RTF2: variants seen among roughly 807,000 people sequenced by gnomAD.
RTF2 encodes the protein replication termination factor 2.
In RTF2, 18 loss-of-function variants were observed where a neutral mutation model predicts 38.0. That is an observed-to-expected ratio of 0.47 (90% confidence interval 0.33 to 0.70). The LOEUF (loss-of-function observed/expected upper bound fraction) is 0.70, where lower values mean the gene tolerates loss of function less well. Ranked by LOEUF, RTF2 falls within the 30% of genes least tolerant of loss-of-function variation. The probability of loss-of-function intolerance (pLI) is 0.02; values close to 1 mark genes in which losing one functional copy is unlikely to be tolerated. For synonymous variants in RTF2, 126 were observed against 137.1 expected, an observed-to-expected ratio of 0.92 and a Z score of 0.57; for missense variants, 311 against 379.6, an observed-to-expected ratio of 0.82 and a Z score of 1.50.
intron 5 of RTF2, among the ~76,000 whole-genome samples, chr20:56,486,526 G>A (rs146593136): frequency 2.2e-4 from 33 of 152,240 alleles, no homozygotes; most frequent in South Asian, 1.0e-3. Flanking sequence ...GCACGCGCCT[G>A]TAATCCTGGC....
At chr20:56,512,858 C>A (rs571965189) in intron 5 of RTF2, among the ~76,000 whole-genome samples, 26 of 152,154 alleles carry the variant, frequency 1.7e-4, no homozygotes, top group African/African-American at 6.3e-4. Context: ...AACTGCAACA[C>A]GTGTGATGTT....
At chr20:56,518,014 T>C (rs1252991026) in intron 8 of RTF2, 73 bp from the exon 9 acceptor site, 3 of 1,438,118 alleles carry the variant, frequency 2.1e-6, no homozygotes, top group Non-Finnish European at 1.9e-6. Context: ...CTGATGGGCT[T>C]CCCTTCTGAG....
At chr20:56,511,845 T>A (rs915981695) in intron 5 of RTF2, among the ~76,000 whole-genome samples, 12 of 152,272 alleles carry the variant, frequency 7.9e-5, no homozygotes, top group South Asian at 2.1e-4. Flanking sequence ...CCCCTCTTTT[T>A]TTTTTGAGAC....
rs1600842994 is a variant in RTF2, at chr20:56,519,445, T to C, written c.*1180T>C. 6.6e-6 allele frequency: 1 copy of C among 152,260 alleles called. No individual in the cohort carries two copies. The highest frequency in any genetic ancestry group is 1.9e-4 in the East Asian group (1 of 5,188). The allele number at this position is 152,260 out of a possible 1,614,324, so 9.4% of individuals were successfully genotyped here. ...ATAGAGCATTTTAATAAAAATTAAG[T>C]GATGCGTTTTTGTCATGGACTTTTC... On this transcript the variant is annotated 3_prime_UTR_variant, in exon 9 of 9. Transcript: ENST00000357348.
chr20:56,473,874 A>G (rs1248135705), intron 2 of RTF2, among the ~76,000 whole-genome samples: 1 of 152,164 alleles, frequency 6.6e-6, no homozygotes, highest in Non-Finnish European at 1.5e-5. Context: ...TGCAAAAAAA[A>G]TAGCAAACTC....
intron 2 of RTF2, among the ~76,000 whole-genome samples, chr20:56,474,408 G>A (rs1490966190): frequency 6.6e-6 from 1 of 152,186 alleles, no homozygotes; most frequent in East Asian, 1.9e-4. Flanking sequence ...TTGAATCCGG[G>A]AGGCGGAGGT....
intron 5 of RTF2, chr20:56,497,309 T>C: frequency 6.5e-7 from 1 of 1,549,552 alleles, no homozygotes; most frequent in Non-Finnish European, 8.7e-7. Flanking sequence ...CAGACAGGGG[T>C]CTGGTTATGA....
intron 5 of RTF2, among the ~76,000 whole-genome samples, chr20:56,500,623 G>C (rs1983866209): frequency 6.6e-6 from 1 of 152,108 alleles, no homozygotes; most frequent in South Asian, 2.1e-4. Context: ...AACCTGCTGT[G>C]GCCTTCTACC....
At position 56,513,294 on chromosome 20, in the gene RTF2, T is replaced by C. The variant is rs376893821; in HGVS notation, c.478-21T>C. 5.7e-6 allele frequency: 9 copies of C among 1,574,634 alleles called. No homozygotes were observed. The African/African-American group carries it at 1.1e-4, about 19-fold the overall frequency. ...CATTGACTGGTGATGGAATCTGCCC[T>C]CTCTTGTTTGCCCTCTCCAGTGTGG... On this transcript the variant is annotated intron_variant, in intron 5 of 8. Transcript: ENST00000357348.
chr20:56,482,933 G>A (rs1982599585), intron 4 of RTF2, among the ~76,000 whole-genome samples: 1 of 152,104 alleles, frequency 6.6e-6, no homozygotes, highest in Non-Finnish European at 1.5e-5. Context: ...CGTAGAAATC[G>A]ACACGTATTC....
chr20:56,517,864 G>A (rs184268960), intron 8 of RTF2, among the ~76,000 whole-genome samples: 3 of 152,228 alleles, frequency 2.0e-5, no homozygotes, highest in Admixed American at 2.0e-4. Flanking sequence ...TCATTCACGG[G>A]GCTGGGACCA....
In RTF2 at chr20:56,508,991, G is replaced by A. The variant is rs980971222; in HGVS notation, c.478-4324G>A. Among the ~76,000 whole-genome samples the A allele has an allele frequency of 3.9e-5, 6 of 152,134 alleles. No individual in the cohort carries two copies. In the East Asian group the frequency reaches 9.6e-4, roughly 24 times the overall value. On this transcript the variant is annotated intron_variant, in intron 5 of 8. Transcript: ENST00000357348. The stretch of plus-strand genomic sequence containing the variant: ...TACTAAATATGACACCAAAAACGTA[G>A]CAGTAAGAGAGAAAATTGCTAAGTC...
chr20:56,508,685 A>G (rs1370309814), intron 5 of RTF2, among the ~76,000 whole-genome samples: 6 of 152,244 alleles, frequency 3.9e-5, no homozygotes, highest in Non-Finnish European at 5.9e-5. Flanking sequence ...ATATACATCA[A>G]TGGAATAAAA....
intron 5 of RTF2, among the ~76,000 whole-genome samples, chr20:56,503,007 G>A (rs62210666): frequency 1.3e-5 from 2 of 152,222 alleles, no homozygotes; most frequent in South Asian, 2.1e-4. Flanking sequence ...AGTGAAGGAT[G>A]TGAGTTTCAC....
intron 5 of RTF2, chr20:56,491,738 G>A (rs1044585477): frequency 2.8e-5 from 43 of 1,551,950 alleles, no homozygotes; most frequent in African/African-American, 4.1e-5. Flanking sequence ...AATGAGCCAC[G>A]GCAGGTCTCC....
chr20:56,484,198 C>T lies in RTF2; in HGVS notation c.477+9C>T. On this transcript the variant is annotated intron_variant, in intron 5 of 8. Transcript: ENST00000357348. ...CGGAAGTTTGCCACACGGTGAGTTC[C>T]TGACATGTACCATTTGTTCCTTCTC... is the stretch of plus-strand genomic sequence containing the variant. 6.2e-7 allele frequency: 1 copy of T among 1,605,424 alleles called. No homozygotes were observed. Among genetic ancestry groups the T allele is most frequent in the Non-Finnish European group, 8.5e-7 (1 of 1,172,082 alleles).
At position 56,496,754 on chromosome 20, in the gene RTF2, T is replaced by TA. The variant is rs760026810; in HGVS notation, c.477+12565_477+12566insA. 8.2e-5 allele frequency: 128 copies of TA among 1,552,202 alleles called. No individual in the cohort carries two copies. In the African/African-American group the frequency reaches 1.7e-3, roughly 20 times the overall value. ...TCAGTATGAACTCTACAAACTTCCT[T>TA]GTAAGTACATAGTAAGCACTTCCAA... On this transcript the variant is annotated intron_variant, in intron 5 of 8. Coordinates refer to ENST00000357348, the MANE Select transcript of RTF2 (RefSeq NM_016407.5).
intron 5 of RTF2, among the ~76,000 whole-genome samples, chr20:56,507,750 GT>G (rs947881063): frequency 6.6e-6 from 1 of 152,152 alleles, no homozygotes; most frequent in African/African-American, 2.4e-5. Flanking sequence ...CAGACGCTGG[GT>G]TCCTCCCCAC....
At chr20:56,480,023 G>A (rs1352408974) in intron 4 of RTF2, among the ~76,000 whole-genome samples, 9 of 152,108 alleles carry the variant, frequency 5.9e-5, no homozygotes, top group African/African-American at 1.9e-4. Flanking sequence ...CACCAGGCAC[G>A]TTAGACCTTA....
Sources: allele counts gnomAD v4.1 joint callset (sites outside exome capture counted in the v4.1 genomes callset), GRCh38; gene constraint gnomAD v4.1.1; transcripts MANE v1.5; gene names NCBI Gene and HGNC (gene_info 2026-07-23, HGNC 2026-07-21).